Variants in PSAT1 observed in about 807,000 individuals in gnomAD.
PSAT1 encodes phosphoserine aminotransferase.
In PSAT1, 41 loss-of-function variants were observed where a neutral mutation model predicts 40.3. The ratio of observed to expected loss-of-function variants is 1.02; its 90% CI spans 0.79 to 1.32. The LOEUF is 1.32. Among genes scored for constraint, PSAT1 ranks in the 40% most tolerant of loss-of-function variants. The pLI, the probability that PSAT1 is intolerant of heterozygous loss-of-function variation, is 0.00. For missense variants in PSAT1, 406 were observed against 455.8 expected, an observed-to-expected ratio of 0.89 and a Z score of 0.99; for synonymous variants, 147 against 170.5, an observed-to-expected ratio of 0.86 and a Z score of 1.07.
At position 78,297,513 on chromosome 9, in the gene PSAT1, C is replaced by G. The variant is rs552873641; in HGVS notation, c.60+243C>G. 2.6e-5 allele frequency among the ~76,000 whole-genome samples: 4 copies of G among 152,318 alleles called. No individual in the cohort carries two copies. The East Asian group carries it at 5.8e-4, about 22-fold the overall frequency. ...CTGCCCCTGGCCCTGACTGCTGGTG[C>G]GAGGCAGTGCACGACTCAGCTGGCC... On this transcript the variant is annotated intron_variant, in intron 1 of 8. Coordinates refer to ENST00000376588, the MANE Select transcript of PSAT1 (RefSeq NM_058179.4).
intron 1 of PSAT1, among the ~76,000 whole-genome samples, chr9:78,297,940 C>G (rs1229219491): frequency 6.6e-6 from 1 of 152,104 alleles, no homozygotes; most frequent in East Asian, 1.9e-4. Context: ...AGAACCTACC[C>G]TTTCCTAAAG....
chr9:78,312,144 C>T (rs17064304), intron 6 of PSAT1, among the ~76,000 whole-genome samples: 6,006 of 151,816 alleles, frequency 0.04, 160 homozygotes, highest in Non-Finnish European at 0.056. Context: ...ATCGTTGCTC[C>T]GTAGCCCTGA....
At chr9:78,327,008 T>C (rs1174179697) in intron 7 of PSAT1, among the ~76,000 whole-genome samples, 6 of 141,532 alleles carry the variant, frequency 4.2e-5, no homozygotes, top group Non-Finnish European at 9.0e-5. Context: ...CAGGCTAGAG[T>C]GCTGTGGCAC....
chr9:78,329,078 C>T lies in PSAT1; in HGVS notation c.1105C>T (p.Gln369Ter). ...CATGAAAAAATTTTTGGAGATGCAT[C>T]AGCTATGAACACATCCTAACCAGGA... ...AFMKKFLEMH[Q>*]L The change falls in exon 9 of 9, where the codon CAG (glutamine) becomes TAG (stop). Residue 369 changes from glutamine to a stop codon, truncating the protein, a stop_gained. Coordinates refer to ENST00000376588, the MANE Select transcript of PSAT1 (RefSeq NM_058179.4). LOFTEE classifies it high-confidence loss of function. 1 of 1,605,136 alleles carries T rather than the reference C, an allele frequency of 6.2e-7. No homozygotes were observed. Among genetic ancestry groups the T allele is most frequent in the South Asian group, 1.1e-5 (1 of 90,828 alleles).
chr9:78,311,110 TGA>T (rs1373342533), intron 6 of PSAT1, among the ~76,000 whole-genome samples: 1 of 152,110 alleles, frequency 6.6e-6, no homozygotes, highest in Non-Finnish European at 1.5e-5. Flanking sequence ...GGAGTGGGGC[TGA>T]GTCTTACCTC....
At chr9:78,310,206 AGG>A (rs1482903675) in intron 6 of PSAT1, among the ~76,000 whole-genome samples, 2 of 152,188 alleles carry the variant, frequency 1.3e-5, no homozygotes, top group East Asian at 3.9e-4. Flanking sequence ...CTACCCTAGT[AGG>A]TAGCCAGTGT....
chr9:78,313,759 C>T (rs13288572), intron 6 of PSAT1, among the ~76,000 whole-genome samples: 1 of 152,094 alleles, frequency 6.6e-6, no homozygotes, highest in South Asian at 2.1e-4. Context: ...ATCCTCCCAC[C>T]TCAGCCTCCT....
intron 7 of PSAT1, among the ~76,000 whole-genome samples, chr9:78,326,957 T>TATATATATATATA (rs1237443160): frequency 1.2e-4 from 7 of 59,248 alleles, no homozygotes; most frequent in African/African-American, 6.5e-4. Context: ...ATATATATAT[T>TATATATATATATA]TTTTTTTTTT....
intron 6 of PSAT1, among the ~76,000 whole-genome samples, chr9:78,317,454 T>A (rs1299231610): frequency 6.6e-6 from 1 of 152,230 alleles, no homozygotes; most frequent in Non-Finnish European, 1.5e-5. Context: ...TCTTGCTATG[T>A]TGCCTAGGCT....
rs1229836649 is a variant in PSAT1 at position 78,328,133 on chromosome 9, A to G, written c.952A>G (p.Lys318Glu). The G allele has an allele frequency of 6.2e-7, 1 of 1,613,308 alleles. No individual in the cohort carries two copies. Among genetic ancestry groups the G allele is most frequent in the Non-Finnish European group, 8.5e-7 (1 of 1,179,986 alleles). The change falls in exon 8 of 9, where the codon AAA becomes GAA. Residue 318 changes from lysine (K) to glutamate (E), a missense_variant. By Grantham distance (56) the Lys-to-Glu change is moderately conservative (BLOSUM62 1). Coordinates refer to ENST00000376588, the MANE Select transcript of PSAT1 (RefSeq NM_058179.4). Reference sequence around the variant, plus strand: ...TGCCAAAGGAGATGATGCTTTAGAAAAAAGATTTCTTGATAAAGCTCTTGA... The same window carrying G: ...TGCCAAAGGAGATGATGCTTTAGAAGAAAGATTTCTTGATAAAGCTCTTGA... ...GNAKGDDALE[K>E]RFLDKALELN...
intron 7 of PSAT1, among the ~76,000 whole-genome samples, chr9:78,320,537 G>A (rs1338037318): frequency 7.1e-5 from 7 of 98,908 alleles, no homozygotes; most frequent in Non-Finnish European, 1.2e-4. Flanking sequence ...TCATCCACCC[G>A]CCCACCCACT....
At chr9:78,308,824 A>C (rs758073343) in intron 6 of PSAT1, among the ~76,000 whole-genome samples, 3 of 152,152 alleles carry the variant, frequency 2.0e-5, no homozygotes, top group Non-Finnish European at 4.4e-5. Flanking sequence ...GCGTGGTGGC[A>C]CATGCCTATA....
At chr9:78,320,937 C>G (rs1302657286) in intron 7 of PSAT1, among the ~76,000 whole-genome samples, 2 of 151,966 alleles carry the variant, frequency 1.3e-5, no homozygotes, top group Admixed American at 6.6e-5. Context: ...AACGGTGATA[C>G]CACTGGGAAA....
intron 7 of PSAT1, among the ~76,000 whole-genome samples, chr9:78,321,687 C>A (rs1426362346): frequency 6.6e-6 from 1 of 152,250 alleles, no homozygotes; most frequent in East Asian, 1.9e-4. Flanking sequence ...CAAGTTGATT[C>A]CATAGCCCAG....
At chr9:78,325,419 GC>G (rs2118706011) in intron 7 of PSAT1, among the ~76,000 whole-genome samples, 1 of 152,342 alleles carries the variant, frequency 6.6e-6, no homozygotes, top group African/African-American at 2.4e-5. Flanking sequence ...GCACTCCACA[GC>G]CCCGGCCCTG....
chr9:78,313,825 T>A (rs930520585), intron 6 of PSAT1, among the ~76,000 whole-genome samples: 7 of 152,042 alleles, frequency 4.6e-5, no homozygotes, highest in East Asian at 3.9e-4. Context: ...AAAAAAAAAA[T>A]TTATGGCGAC....
At chr9:78,316,124 A>G (rs565287432) in intron 6 of PSAT1, among the ~76,000 whole-genome samples, 2 of 152,242 alleles carry the variant, frequency 1.3e-5, no homozygotes, top group African/African-American at 4.8e-5. Flanking sequence ...ACTGGGGAAA[A>G]CCATGCACCG....
chr9:78,313,272 GGGAGATCACTT>G (rs1554687075), intron 6 of PSAT1, among the ~76,000 whole-genome samples: 1 of 152,126 alleles, frequency 6.6e-6, no homozygotes, highest in Non-Finnish European at 1.5e-5. Context: ...AAGCTGAGGC[GGGAGATCACTT>G]GAACCTGGGA....
chr9:78,324,834 G>A (rs550082660), intron 7 of PSAT1, among the ~76,000 whole-genome samples: 7 of 152,194 alleles, frequency 4.6e-5, no homozygotes, highest in South Asian at 4.2e-4. Flanking sequence ...CTTCCACACC[G>A]GCCCGTCCTA....
Sources: gnomAD v4.1 joint callset for allele counts (sites outside exome capture counted in the v4.1 genomes callset) on GRCh38, gnomAD v4.1.1 for gene constraint, MANE v1.5 for transcripts, NCBI Gene and HGNC (gene_info 2026-07-23, HGNC 2026-07-21) for gene names.